The following PECR variants were observed in gnomAD, a reference collection of about 807,000 sequenced individuals.
PECR encodes peroxisomal trans-2-enoyl-CoA reductase, also known as 2,4-dienoyl-CoA reductase-related protein.
A neutral mutation model predicts 35.3 loss-of-function variants in PECR; 30 were observed. That is an observed-to-expected ratio of 0.85 (90% CI 0.64 to 1.15). The LOEUF is 1.15. Ranked by LOEUF, PECR falls within the 50% of genes most tolerant of loss-of-function variation. The pLI is 0.00. For missense variants in PECR, 392 were observed against 370.8 expected (o/e 1.06, Z -0.47); for synonymous variants, 148 against 138.9 (o/e 1.07, Z -0.46).
intron 5 of PECR, chr2:216,050,901 A>G: frequency 7.2e-6 from 1 of 139,220 alleles, no homozygotes; most frequent in South Asian, 2.2e-4. Context: ...ACTCCTTCTA[A>G]AAAAAAAAAA....
chr2:216,075,274 C>G (rs1695675799), intron 1 of PECR, among the ~76,000 whole-genome samples: 1 of 151,648 alleles, frequency 6.6e-6, no homozygotes, highest in South Asian at 2.1e-4. Flanking sequence ...CTCTAAAAAA[C>G]AAAACAAAAC....
Position 216,058,435 on chromosome 2 carries a change from G to A in PECR, c.506+460C>T, listed in dbSNP as rs561242980. On this transcript the variant is annotated intron_variant, in intron 4 of 7. Coordinates refer to ENST00000265322, the MANE Select transcript of PECR (RefSeq NM_018441.6). ...GAGGCACAAAACCTTAGAAACTTTT[G>A]GAGAAAAAATCCTGGATTATCTGTT... Among the ~76,000 whole-genome samples the A allele has an allele frequency of 9.7e-4, 147 of 152,188 alleles. 1 individual carries two copies. Among genetic ancestry groups the A allele is most frequent in the South Asian group, 6.4e-3 (31 of 4,820 alleles).
At chr2:216,034,297 A>G (rs558497492), downstream of PECR, among the ~76,000 whole-genome samples, 1 of 152,314 alleles carries the variant, frequency 6.6e-6, no homozygotes, top group East Asian at 1.9e-4. Context: ...CTGCTACAGG[A>G]AACAAAATTG....
At chr2:216,052,211 G>A (rs983524239) in intron 4 of PECR, among the ~76,000 whole-genome samples, 1 of 152,086 alleles carries the variant, frequency 6.6e-6, no homozygotes, top group East Asian at 1.9e-4. Context: ...ATGGGGTCTT[G>A]TGTAGATAGA....
intron 7 of PECR, among the ~76,000 whole-genome samples, chr2:216,031,673 A>AAGAG (rs72139324): frequency 8.2e-6 from 1 of 121,274 alleles, no homozygotes; most frequent in Non-Finnish European, 1.7e-5. Context: ...GAAAGAAAGA[A>AAGAG]AGAAAGAAAG....
rs183463040 is a variant in PECR at position 216,052,287 on chromosome 2, A to G, written c.507-742T>C. 6.6e-5 allele frequency among the ~76,000 whole-genome samples: 10 copies of G among 152,380 alleles called. No homozygotes were observed. In the East Asian group the frequency reaches 1.9e-3, roughly 29 times the overall value. On this transcript the variant is annotated intron_variant, in intron 4 of 7. Transcript: ENST00000265322. ...CAAATATAGGATAATTTAATGTGAG[A>G]AAATTAACTTATACAACTAATTAGG...
intron 7 of PECR, among the ~76,000 whole-genome samples, chr2:216,033,115 G>A (rs1490690165): frequency 1.3e-5 from 2 of 152,160 alleles, no homozygotes; most frequent in East Asian, 3.8e-4. Flanking sequence ...GAGACTAGTA[G>A]AATTAACCAT....
chr2:216,044,877 A>C (rs1346872282), intron 6 of PECR, among the ~76,000 whole-genome samples: 1 of 152,130 alleles, frequency 6.6e-6, no homozygotes, highest in Non-Finnish European at 1.5e-5. Flanking sequence ...GAGTTTCTCA[A>C]AGGGTGATGA....
chr2:216,077,369 T>C (rs1288342653), intron 1 of PECR, among the ~76,000 whole-genome samples: 1 of 148,836 alleles, frequency 6.7e-6, no homozygotes, highest in Non-Finnish European at 1.5e-5. Context: ...TAGCCGGGTG[T>C]GGTGGTGGGT....
rs201634884 is a variant in PECR at position 216,044,702 on chromosome 2, AT to A, written c.715-688del. Among the ~76,000 whole-genome samples the A allele has an allele frequency of 4.5e-3, 687 of 152,274 alleles. 7 individuals carry two copies. Among genetic ancestry groups the A allele is most frequent in the African/African-American group, 0.016 (658 of 41,542 alleles). ...CAGAGTGAGACTCCATTTCAAAAAA[AT>A]AAAAATAAAAATAAACCAAAGGCAC... On this transcript the variant is annotated intron_variant, in intron 6 of 7. Coordinates refer to ENST00000265322, the MANE Select transcript of PECR (RefSeq NM_018441.6).
chr2:216,050,486 A>G (rs538154405), intron 5 of PECR, among the ~76,000 whole-genome samples: 14 of 152,376 alleles, frequency 9.2e-5, no homozygotes, highest in African/African-American at 3.1e-4. Flanking sequence ...GAAGGCAAAC[A>G]TGAATTAATA....
chr2:216,033,179 C>T (rs1408424692), intron 7 of PECR, among the ~76,000 whole-genome samples: 2 of 152,160 alleles, frequency 1.3e-5, no homozygotes, highest in Admixed American at 1.3e-4. Flanking sequence ...TGCCACCCAG[C>T]TTAGACAATT....
chr2:216,038,444 TAAAC>T lies in PECR; in HGVS notation c.*827_*830del, dbSNP rs928141367. 2 of 152,240 alleles carry T rather than the reference TAAAC, an allele frequency of 1.3e-5. No homozygotes were observed. Among genetic ancestry groups the T allele is most frequent in the African/African-American group, 4.8e-5 (2 of 41,464 alleles). The allele number at this position is 152,240 out of a possible 1,614,324, so 9.4% of individuals were successfully genotyped here. A position where few individuals can be genotyped will look rare whatever the true frequency, so the allele number is the denominator to read the frequency against. The stretch of plus-strand genomic sequence containing the variant: ...GAGAATTTATACAAATTTGACTTCA[TAAAC>T]AAAAGAAACTATACATCAATAATTA... On this transcript the variant is annotated 3_prime_UTR_variant, in exon 8 of 8. Transcript: ENST00000265322.
downstream of PECR, among the ~76,000 whole-genome samples, chr2:216,034,879 G>A (rs1401195831): frequency 3.3e-5 from 5 of 152,206 alleles, no homozygotes; most frequent in East Asian, 9.7e-4. Context: ...CTTCATCACC[G>A]GCCAGCCCAG....
chr2:216,039,808 G>A (rs528752149), intron 7 of PECR, among the ~76,000 whole-genome samples: 2 of 152,108 alleles, frequency 1.3e-5, no homozygotes, highest in South Asian at 2.1e-4. Context: ...TCCATTTAAC[G>A]ATCTAGAAGG....
rs763465495 is a variant in PECR at position 216,039,401 on chromosome 2, C to T, written c.827-41G>A. On this transcript the variant is annotated intron_variant, in intron 7 of 7. Coordinates refer to ENST00000265322, the MANE Select transcript of PECR (RefSeq NM_018441.6). ...AAAGCCTCCTGTCACTTGCAAATCT[C>T]ATTTGCCCTCTTCACTCCCACCAAA... is the stretch of plus-strand genomic sequence containing the variant. 28 of 1,111,422 alleles carry T rather than the reference C, an allele frequency of 2.5e-5. No homozygotes were observed. The East Asian group carries it at 6.6e-4, about 26-fold the overall frequency. 68.8% of individuals were successfully genotyped at this position (1,111,422 alleles called of 1,614,324 possible).
rs928705128 is a variant in PECR at position 216,048,508 on chromosome 2, G to C, written c.714+755C>G. On this transcript the variant is annotated intron_variant, in intron 6 of 7. Transcript: ENST00000265322. Reference sequence around the variant, plus strand: ...GCGTATCACTTAAGGTCAGTAGTTCGAGACTAGCCTAGCCAACATGGTGAA... The same window carrying C: ...GCGTATCACTTAAGGTCAGTAGTTCCAGACTAGCCTAGCCAACATGGTGAA... Among the ~76,000 whole-genome samples, 11 of 151,662 alleles carry C rather than the reference G, an allele frequency of 7.3e-5. No individual in the cohort carries two copies. The East Asian group carries it at 7.8e-4, about 11-fold the overall frequency.
rs556384083 is a variant in PECR, at chr2:216,076,105, G to GA, written c.124+5512dup. 3.2e-3 allele frequency among the ~76,000 whole-genome samples: 484 copies of GA among 152,252 alleles called. 2 individuals are homozygous for GA. Among genetic ancestry groups the GA allele is most frequent in the Non-Finnish European group, 5.6e-3 (382 of 68,010 alleles). ...AGCTAAAGCTTTCTGTGTCCTCTCA[G>GA]AAAAAGGAAAAGTCAAAATCCTGTG... On this transcript the variant is annotated intron_variant, in intron 1 of 7. Coordinates refer to ENST00000265322, the MANE Select transcript of PECR (RefSeq NM_018441.6).
rs112369629 is a variant in PECR at position 216,030,368 on chromosome 2, G to A, written c.*440+8823C>T. Among the ~76,000 whole-genome samples the A allele has an allele frequency of 4.5e-3, 683 of 152,192 alleles. 7 individuals carry two copies. Among genetic ancestry groups the A allele is most frequent in the African/African-American group, 0.016 (646 of 41,522 alleles). On this transcript the variant is annotated intron_variant and NMD_transcript_variant, in intron 7 of 7. Transcript: ENST00000442122. ...CACTTCTGCCATGTGCTGAGATCTT[G>A]AACAAGTTTCTTGACCTGTTCATGC...
Sources: allele counts gnomAD v4.1 joint callset (sites outside exome capture counted in the v4.1 genomes callset), GRCh38; gene constraint gnomAD v4.1.1; transcripts MANE v1.5; gene names NCBI Gene and HGNC (gene_info 2026-07-23, HGNC 2026-07-21).